Variants in PDZRN3 observed in about 807,000 individuals in gnomAD.
The protein encoded by PDZRN3 is E3 ubiquitin-protein ligase PDZRN3.
A neutral mutation model predicts 85.7 loss-of-function variants in PDZRN3; 38 were observed. That is an observed-to-expected ratio of 0.44 (90% CI 0.34 to 0.58). PDZRN3 has a LOEUF of 0.58. Ranked by LOEUF, PDZRN3 falls within the 20% of genes least tolerant of loss-of-function variation. PDZRN3 has a pLI of 0.01. For missense variants in PDZRN3, 1,629 were observed against 1,506.4 expected (o/e 1.08, Z -1.35); for synonymous variants, 759 against 638.0 (o/e 1.19, Z -2.86).
chr3:73,443,540 C>A (rs1317914773), intron 3 of PDZRN3, among the ~76,000 whole-genome samples: 1 of 136,254 alleles, frequency 7.3e-6, no homozygotes, highest in African/African-American at 3.1e-5. Flanking sequence ...GGCTGGAGTT[C>A]AGTGGTACGA....
intron 3 of PDZRN3, among the ~76,000 whole-genome samples, chr3:73,416,899 T>G (rs12630714): frequency 0.52 from 68,140 of 130,862 alleles, 15,562 homozygotes; most frequent in East Asian, 0.76. Flanking sequence ...TTTTTTTTTT[T>G]TTTTTTTTTT....
At chr3:73,446,431 G>T (rs146488754) in intron 3 of PDZRN3, among the ~76,000 whole-genome samples, 7 of 152,274 alleles carry the variant, frequency 4.6e-5, no homozygotes, top group Non-Finnish European at 8.8e-5. Context: ...AAATTAGAGG[G>T]GAACAATGCT....
intron 3 of PDZRN3, among the ~76,000 whole-genome samples, chr3:73,461,840 C>T (rs540070180): frequency 2.6e-5 from 4 of 152,318 alleles, no homozygotes; most frequent in African/African-American, 9.6e-5. Context: ...GGTCATGATT[C>T]ACTACGGCAG....
At chr3:73,621,061 G>A (rs1395132526) in intron 1 of PDZRN3, among the ~76,000 whole-genome samples, 1 of 152,236 alleles carries the variant, frequency 6.6e-6, no homozygotes. Flanking sequence ...GAGCTCATTG[G>A]AAATGCAGAA....
intron 3 of PDZRN3, among the ~76,000 whole-genome samples, chr3:73,489,203 T>G (rs1703722442): frequency 6.6e-6 from 1 of 152,154 alleles, no homozygotes; most frequent in Non-Finnish European, 1.5e-5. Context: ...TTTCCTTGCC[T>G]GAAAATGCAT....
At chr3:73,519,015 G>T (rs1245001563) in intron 3 of PDZRN3, among the ~76,000 whole-genome samples, 1 of 152,244 alleles carries the variant, frequency 6.6e-6, no homozygotes, top group Non-Finnish European at 1.5e-5. Context: ...GGCAGAATGT[G>T]CTTGGAAGAG....
intron 2 of PDZRN3, among the ~76,000 whole-genome samples, chr3:73,603,759 A>G (rs1038589523): frequency 6.6e-6 from 1 of 152,148 alleles, no homozygotes; most frequent in African/African-American, 2.4e-5. Context: ...GGGGGAAGGA[A>G]ACGACTTCAA....
At chr3:73,403,072 T>C (rs1326180650) in intron 4 of PDZRN3, among the ~76,000 whole-genome samples, 2 of 151,556 alleles carry the variant, frequency 1.3e-5, no homozygotes, top group Non-Finnish European at 2.9e-5. Flanking sequence ...GCCTCCCGAG[T>C]AGCTGGGACT....
intron 3 of PDZRN3, among the ~76,000 whole-genome samples, chr3:73,574,705 C>A (rs751683575): frequency 2.0e-5 from 3 of 152,228 alleles, no homozygotes; most frequent in Non-Finnish European, 4.4e-5. Context: ...GTGATTCACC[C>A]GCCTTGGCCT....
intron 3 of PDZRN3, among the ~76,000 whole-genome samples, chr3:73,504,123 G>C (rs541466946): frequency 6.6e-6 from 1 of 152,124 alleles, no homozygotes; most frequent in Non-Finnish European, 1.5e-5. Context: ...TGCTTTTCTT[G>C]AGTACTTTAT....
At chr3:73,535,689 A>G (rs1704767023) in intron 3 of PDZRN3, among the ~76,000 whole-genome samples, 1 of 152,222 alleles carries the variant, frequency 6.6e-6, no homozygotes, top group Non-Finnish European at 1.5e-5. Context: ...TAGGTCCATA[A>G]TTAGAGTAAT....
At chr3:73,403,044 C>T (rs540572860) in intron 4 of PDZRN3, among the ~76,000 whole-genome samples, 17 of 151,410 alleles carry the variant, frequency 1.1e-4, no homozygotes, top group South Asian at 6.3e-4. Context: ...CCCGGGTTCA[C>T]GCCATTCTCC....
intron 3 of PDZRN3, among the ~76,000 whole-genome samples, chr3:73,500,631 AG>A (rs1703958958): frequency 6.6e-6 from 1 of 152,180 alleles, no homozygotes; most frequent in Non-Finnish European, 1.5e-5. Context: ...GAGTGGATTA[AG>A]GGTAAAGCTC....
intron 3 of PDZRN3, among the ~76,000 whole-genome samples, chr3:73,432,380 C>T (rs755854946): frequency 2.0e-5 from 3 of 152,110 alleles, no homozygotes; most frequent in Admixed American, 6.5e-5. Context: ...AGTCACAGGT[C>T]GGAAATGTAT....
intron 3 of PDZRN3, among the ~76,000 whole-genome samples, chr3:73,590,489 T>C (rs1265689488): frequency 1.3e-5 from 2 of 152,156 alleles, no homozygotes; most frequent in Non-Finnish European, 2.9e-5. Context: ...AGGGAATTAG[T>C]TCTCTAGGTA....
At chr3:73,521,479 G>C (rs1559720234) in intron 3 of PDZRN3, among the ~76,000 whole-genome samples, 1 of 152,024 alleles carries the variant, frequency 6.6e-6, no homozygotes, top group Non-Finnish European at 1.5e-5. Flanking sequence ...GTGCAATCAG[G>C]AACTCCATCA....
At chr3:73,520,508 C>T (rs944298963) in intron 3 of PDZRN3, among the ~76,000 whole-genome samples, 12 of 152,200 alleles carry the variant, frequency 7.9e-5, no homozygotes, top group African/African-American at 1.4e-4. Context: ...CCTGTGACAA[C>T]GACAACAACA....
chr3:73,431,944 TAG>T (rs1389349518), intron 3 of PDZRN3, among the ~76,000 whole-genome samples: 1 of 152,200 alleles, frequency 6.6e-6, no homozygotes, highest in East Asian at 1.9e-4. Flanking sequence ...AGAGATGTAG[TAG>T]AGTTACTTTT....
At chr3:73,539,312 A>G (rs1404947635) in intron 3 of PDZRN3, among the ~76,000 whole-genome samples, 1 of 152,224 alleles carries the variant, frequency 6.6e-6, no homozygotes, top group Admixed American at 6.5e-5. Flanking sequence ...GATGTTTTGG[A>G]TGCTTACAGA....
Sources: gnomAD v4.1 joint callset for allele counts (sites outside exome capture counted in the v4.1 genomes callset) on GRCh38, gnomAD v4.1.1 for gene constraint, MANE v1.5 for transcripts, NCBI Gene and HGNC (gene_info 2026-07-23, HGNC 2026-07-21) for gene names.